ADAMTS17: variants seen among roughly 807,000 people sequenced by gnomAD.
ADAMTS17 encodes the protein A disintegrin and metalloproteinase with thrombospondin motifs 17.
Under a neutral mutation model 141.5 loss-of-function variants are expected in ADAMTS17, and 113 were observed. That is an observed-to-expected ratio of 0.80 (90% CI 0.69 to 0.93). The LOEUF (loss-of-function observed/expected upper bound fraction) is 0.93, where lower values mean the gene tolerates loss of function less well. Ranked by LOEUF, ADAMTS17 falls within the 40% of genes least tolerant of loss-of-function variation. The pLI is 0.00. For synonymous variants in ADAMTS17, 768 were observed against 630.6 expected, an observed-to-expected ratio of 1.22 and a Z score of -3.27; for missense variants, 1,659 against 1,517.9, an observed-to-expected ratio of 1.09 and a Z score of -1.54.
chr15:100,315,833 T>C (rs1032130574), intron 3 of ADAMTS17, among the ~76,000 whole-genome samples: 3 of 152,224 alleles, frequency 2.0e-5, no homozygotes, highest in African/African-American at 4.8e-5. Flanking sequence ...GCCTGGCTTA[T>C]CCATTTCCAA....
chr15:100,110,950 A>G (rs1385889896), intron 13 of ADAMTS17, among the ~76,000 whole-genome samples: 1 of 152,188 alleles, frequency 6.6e-6, no homozygotes, highest in Non-Finnish European at 1.5e-5. Context: ...CTGTCCCACG[A>G]AGTCTGCTTC....
chr15:100,331,328 CTTCA>C (rs1425775286), intron 2 of ADAMTS17, among the ~76,000 whole-genome samples: 1 of 152,052 alleles, frequency 6.6e-6, no homozygotes, highest in African/African-American at 2.4e-5. Context: ...AGATGAACTA[CTTCA>C]TTATCAAATT....
At chr15:99,986,845 A>G (rs980005517) in intron 20 of ADAMTS17, among the ~76,000 whole-genome samples, 2 of 152,212 alleles carry the variant, frequency 1.3e-5, no homozygotes, top group Non-Finnish European at 2.9e-5. Flanking sequence ...AACAACGATC[A>G]GCATTGTTTT....
At chr15:100,148,273 T>C (rs1187968018) in intron 10 of ADAMTS17, among the ~76,000 whole-genome samples, 1 of 152,258 alleles carries the variant, frequency 6.6e-6, no homozygotes, top group East Asian at 1.9e-4. Context: ...TCAATGATCT[T>C]TTGAAGACTT....
intron 18 of ADAMTS17, among the ~76,000 whole-genome samples, chr15:100,019,042 C>T (rs1287014196): frequency 2.0e-5 from 3 of 152,164 alleles, no homozygotes; most frequent in African/African-American, 7.2e-5. Flanking sequence ...ATTGTATAAA[C>T]CTCAAATGGC....
At chr15:100,142,678 G>T (rs1271912238) in intron 10 of ADAMTS17, among the ~76,000 whole-genome samples, 1 of 152,162 alleles carries the variant, frequency 6.6e-6, no homozygotes, top group African/African-American at 2.4e-5. Context: ...GGCAGAATGG[G>T]GCCCTGGGCA....
intron 15 of ADAMTS17, among the ~76,000 whole-genome samples, chr15:100,071,724 A>T (rs1004390031): frequency 2.7e-5 from 4 of 150,284 alleles, no homozygotes; most frequent in South Asian, 2.1e-4. Flanking sequence ...CATGCTAAAA[A>T]CTCTCAATAA....
chr15:100,125,149 C>A (rs2037665401), intron 12 of ADAMTS17, among the ~76,000 whole-genome samples: 1 of 152,188 alleles, frequency 6.6e-6, no homozygotes, highest in African/African-American at 2.4e-5. Context: ...CGGCCCCTGG[C>A]TCTGTGAGCT....
intron 7 of ADAMTS17, among the ~76,000 whole-genome samples, chr15:100,233,692 C>T (rs1338832286): frequency 6.6e-6 from 1 of 152,150 alleles, no homozygotes; most frequent in Non-Finnish European, 1.5e-5. Context: ...GGAGAGGCCG[C>T]TTCTGTCTCT....
chr15:100,105,684 C>T (rs983519565), intron 14 of ADAMTS17, among the ~76,000 whole-genome samples: 2 of 152,028 alleles, frequency 1.3e-5, no homozygotes, highest in African/African-American at 2.4e-5. Context: ...AGCTAGCTAG[C>T]TCTCTTATTT....
At chr15:100,303,684 C>A (rs1017024667) in intron 3 of ADAMTS17, among the ~76,000 whole-genome samples, 1 of 152,014 alleles carries the variant, frequency 6.6e-6, no homozygotes, top group African/African-American at 2.4e-5. Flanking sequence ...CTCTGCTCAA[C>A]AGTTTTAATC....
intron 12 of ADAMTS17, among the ~76,000 whole-genome samples, chr15:100,121,865 C>T (rs2037469562): frequency 6.6e-6 from 1 of 152,148 alleles, no homozygotes; most frequent in African/African-American, 2.4e-5. Context: ...CAGTGGGTAG[C>T]TTCCAAGCAC....
intron 8 of ADAMTS17, among the ~76,000 whole-genome samples, chr15:100,183,773 T>G (rs1199021736): frequency 6.6e-6 from 1 of 152,202 alleles, no homozygotes; most frequent in African/African-American, 2.4e-5. Flanking sequence ...ATCACACTGT[T>G]TAGGTTTGCC....
chr15:100,067,563 A>T (rs1303619791), intron 15 of ADAMTS17, among the ~76,000 whole-genome samples: 5 of 149,936 alleles, frequency 3.3e-5, no homozygotes, highest in Non-Finnish European at 5.9e-5. Context: ...ATTAGTACAC[A>T]TTTTTTTTTT....
intron 18 of ADAMTS17, among the ~76,000 whole-genome samples, chr15:100,048,499 C>CT (rs1314079539): frequency 6.6e-6 from 1 of 152,032 alleles, no homozygotes; most frequent in Non-Finnish European, 1.5e-5. Flanking sequence ...CACCTTTCTC[C>CT]TGGGCACTCA....
chr15:100,080,897 T>A (rs2034688274), intron 15 of ADAMTS17, among the ~76,000 whole-genome samples: 1 of 152,222 alleles, frequency 6.6e-6, no homozygotes, highest in Non-Finnish European at 1.5e-5. Context: ...TATGACCTTA[T>A]TATTGTCTTT....
chr15:100,109,043 G>T lies in ADAMTS17; in HGVS notation c.1962C>A (p.Asp654Glu), dbSNP rs61752832. Residue 654 changes from aspartate (D) to glutamate (E), a missense_variant, in exon 14 of 22, where the codon GAC becomes GAA. Coordinates refer to ENST00000268070, the MANE Select transcript of ADAMTS17 (RefSeq NM_139057.4). Reference sequence around the variant, plus strand: ...TCTCGTAGGGCCCGCAGGGTGTACCGTCCAGGACCCTGTCGGCCACCAGCA... The same window carrying T: ...TCTCGTAGGGCCCGCAGGGTGTACCTTCCAGGACCCTGTCGGCCACCAGCA... ...SPLLVADRVLDGTPCGPYETD... is the reference protein window; with the variant it reads ...SPLLVADRVLEGTPCGPYETD... 3.7e-5 allele frequency: 60 copies of T among 1,614,020 alleles called. No individual in the cohort carries two copies. The highest frequency in any genetic ancestry group is 5.0e-5 in the Non-Finnish European group (59 of 1,180,022).
chr15:100,136,651 G>A (rs1171236212), intron 10 of ADAMTS17, among the ~76,000 whole-genome samples: 4 of 152,202 alleles, frequency 2.6e-5, no homozygotes, highest in Non-Finnish European at 5.9e-5. Flanking sequence ...GTTTGTGAAG[G>A]TCACAGAGTC....
At chr15:100,205,576 A>T (rs1453268761) in intron 7 of ADAMTS17, among the ~76,000 whole-genome samples, 1 of 151,946 alleles carries the variant, frequency 6.6e-6, no homozygotes, top group African/African-American at 2.4e-5. Context: ...TCTTCGGAGA[A>T]CCCCAGAGAG....
Sources: allele counts gnomAD v4.1 joint callset (sites outside exome capture counted in the v4.1 genomes callset), GRCh38; gene constraint gnomAD v4.1.1; transcripts MANE v1.5; gene names NCBI Gene and HGNC (gene_info 2026-07-23, HGNC 2026-07-21).